SLC41A3: variants seen among roughly 807,000 people sequenced by gnomAD.
SLC41A3 encodes the protein SLC41A1-like 2.
Under a neutral mutation model 45.4 loss-of-function variants are expected in SLC41A3, and 44 were observed. That is an observed-to-expected ratio of 0.97 (90% CI 0.76 to 1.25). The LOEUF (loss-of-function observed/expected upper bound fraction) is 1.25. Ranked by LOEUF, SLC41A3 falls within the 50% of genes most tolerant of loss-of-function variation. SLC41A3 has a pLI of 0.00. For synonymous variants in SLC41A3, 256 were observed against 252.4 expected (o/e 1.01, Z -0.13); for missense variants, 550 against 600.6 (o/e 0.92, Z 0.88).
At position 126,006,445 on chromosome 3, in the gene SLC41A3, A is replaced by C; in HGVS notation, c.*571T>G. On this transcript the variant is annotated 3_prime_UTR_variant, in exon 11 of 11. Coordinates refer to ENST00000360370, the MANE Select transcript of SLC41A3 (RefSeq NM_017836.4). Reference sequence around the variant, plus strand: ...TTTGCTAACAAACAAAAAGGAAAATAAAAAGACAGCAAGGACACGATTAAA... The same window carrying C: ...TTTGCTAACAAACAAAAAGGAAAATCAAAAGACAGCAAGGACACGATTAAA... 1 of 1,612,802 alleles carries C rather than the reference A, an allele frequency of 6.2e-7. No homozygotes were observed. Among genetic ancestry groups the C allele is most frequent in the Non-Finnish European group, 8.5e-7 (1 of 1,179,812 alleles).
chr3:126,055,547 C>A (rs1203826876), intron 2 of SLC41A3, among the ~76,000 whole-genome samples: 1 of 152,102 alleles, frequency 6.6e-6, no homozygotes, highest in African/African-American at 2.4e-5. Context: ...ATACTATAAA[C>A]CATATATGTA....
chr3:126,078,458 C>A (rs999642410), intron 1 of SLC41A3, among the ~76,000 whole-genome samples: 1 of 151,990 alleles, frequency 6.6e-6, no homozygotes, highest in East Asian at 1.9e-4. Flanking sequence ...AGCTATCGGC[C>A]GGCTCTCCAG....
chr3:126,083,893 T>C (rs1483918380), intron 1 of SLC41A3, 200 bp downstream of exon 1: 1 of 92,880 alleles, frequency 1.1e-5, no homozygotes, highest in Non-Finnish European at 2.2e-5. Context: ...CCCGCGCGCC[T>C]TTCCCCCACC....
intron 2 of SLC41A3, among the ~76,000 whole-genome samples, chr3:126,060,439 T>TACACACACACACACACACACACAC (rs60317078): frequency 0.02 from 2,870 of 146,346 alleles, 43 homozygotes; most frequent in African/African-American, 0.032. Flanking sequence ...GTGAGAAGGA[T>TACACACACACACACACACACACAC]ACACACACAC....
chr3:126,072,342 T>C (rs1944657619), intron 1 of SLC41A3, among the ~76,000 whole-genome samples: 1 of 133,774 alleles, frequency 7.5e-6, no homozygotes, highest in Non-Finnish European at 1.5e-5. Context: ...ATTAGACTGG[T>C]AATAAATGAA....
chr3:126,097,485 AT>A (rs1559903503), intron 1 of SLC41A3, among the ~76,000 whole-genome samples: 4 of 152,178 alleles, frequency 2.6e-5, no homozygotes, highest in Non-Finnish European at 5.9e-5. Flanking sequence ...GGGGAGCCCT[AT>A]CCTACCCCGC....
intron 3 of SLC41A3, among the ~76,000 whole-genome samples, chr3:126,039,716 G>A (rs754992963): frequency 5.3e-5 from 8 of 152,216 alleles, no homozygotes; most frequent in African/African-American, 7.2e-5. Flanking sequence ...GAGGACATAC[G>A]TTAAAACAAC....
chr3:126,091,993 C>A (rs1209440555), intron 1 of SLC41A3, among the ~76,000 whole-genome samples: 1 of 152,158 alleles, frequency 6.6e-6, no homozygotes, highest in Non-Finnish European at 1.5e-5. Flanking sequence ...ACTACTTTTT[C>A]AGGTTAATTT....
At chr3:126,008,925 C>A in intron 9 of SLC41A3, 45 bp from the exon 10 acceptor site, 1 of 1,605,294 alleles carries the variant, frequency 6.2e-7, no homozygotes, top group South Asian at 1.1e-5. Context: ...TGAAGCGAGG[C>A]CACTTTGGCA....
chr3:126,041,589 C>T lies in SLC41A3; in HGVS notation c.382-7911G>A, dbSNP rs563070212. ...TGCAGGAACATAACTATGAACATTGCATTCCCTAGCCAGCCAGGCTGGCAT... is the reference window on the plus strand; with the variant it reads ...TGCAGGAACATAACTATGAACATTGTATTCCCTAGCCAGCCAGGCTGGCAT... On this transcript the variant is annotated intron_variant, in intron 3 of 10. Coordinates refer to ENST00000360370, the MANE Select transcript of SLC41A3 (RefSeq NM_017836.4). Among the ~76,000 whole-genome samples, 3 of 152,344 alleles carry T rather than the reference C, an allele frequency of 2.0e-5. No homozygotes were observed. The East Asian group carries it at 5.8e-4, about 29-fold the overall frequency.
chr3:126,091,674 C>A (rs1422018115), intron 1 of SLC41A3, among the ~76,000 whole-genome samples: 1 of 152,128 alleles, frequency 6.6e-6, no homozygotes, highest in Admixed American at 6.5e-5. Flanking sequence ...TTAGTTAATT[C>A]TTTCCTGGAT....
chr3:126,079,211 AACACAC>A (rs63385862), intron 1 of SLC41A3, among the ~76,000 whole-genome samples: 30 of 54,976 alleles, frequency 5.5e-4, no homozygotes, highest in Non-Finnish European at 3.9e-4. Context: ...AGGTAAGGGA[AACACAC>A]ACACACACAC....
At chr3:126,078,013 C>G (rs1944961476) in intron 1 of SLC41A3, among the ~76,000 whole-genome samples, 1 of 152,190 alleles carries the variant, frequency 6.6e-6, no homozygotes, top group African/African-American at 2.4e-5. Flanking sequence ...AGGCAATAAA[C>G]AGAGATGGGA....
At chr3:126,088,318 T>G (rs1462623183), upstream of SLC41A3, among the ~76,000 whole-genome samples, 1 of 152,166 alleles carries the variant, frequency 6.6e-6, no homozygotes, top group Non-Finnish European at 1.5e-5. Flanking sequence ...AGATGCTAGC[T>G]CAGATGACTT....
chr3:126,087,664 G>A (rs1158436432), upstream of SLC41A3, among the ~76,000 whole-genome samples: 1 of 151,982 alleles, frequency 6.6e-6, no homozygotes, highest in Non-Finnish European at 1.5e-5. Flanking sequence ...AGAATCTTGT[G>A]TAGCGAATTT....
intron 2 of SLC41A3, 42 bp downstream of exon 2, chr3:126,067,905 C>T (rs773469086): frequency 5.2e-6 from 8 of 1,532,178 alleles, no homozygotes; most frequent in Middle Eastern, 1.8e-4. Flanking sequence ...AGGTGATGTT[C>T]GGCAGTGCCC....
chr3:126,055,699 A>G (rs1448408149), intron 2 of SLC41A3, among the ~76,000 whole-genome samples: 2 of 152,076 alleles, frequency 1.3e-5, no homozygotes, highest in Non-Finnish European at 2.9e-5. Context: ...GTTGACAGAT[A>G]GCACAAACCT....
intron 6 of SLC41A3, among the ~76,000 whole-genome samples, chr3:126,018,816 T>C (rs565849093): frequency 3.0e-4 from 46 of 152,322 alleles, no homozygotes; most frequent in African/African-American, 1.1e-3. Flanking sequence ...CCCATATAAA[T>C]GCAGGCTTCA....
intron 2 of SLC41A3, among the ~76,000 whole-genome samples, chr3:126,060,288 G>A (rs548713546): frequency 5.2e-4 from 79 of 152,158 alleles, no homozygotes; most frequent in African/African-American, 1.7e-3. Context: ...GCGTGGTGGC[G>A]CATGCCTGTA....
Sources: allele counts gnomAD v4.1 joint callset (sites outside exome capture counted in the v4.1 genomes callset), GRCh38; gene constraint gnomAD v4.1.1; transcripts MANE v1.5; gene names NCBI Gene and HGNC (gene_info 2026-07-23, HGNC 2026-07-21).